Variants in TMEM108 observed in about 807,000 individuals in gnomAD.
The protein encoded by TMEM108 is transmembrane protein 108.
In TMEM108, 12 loss-of-function variants were observed where a neutral mutation model predicts 35.1. The ratio of observed to expected loss-of-function variants is 0.34; its 90% CI spans 0.22 to 0.55. TMEM108 has a LOEUF of 0.55. Ranked by LOEUF, TMEM108 falls within the 20% of genes least tolerant of loss-of-function variation. The probability of loss-of-function intolerance (pLI) is 0.89; values close to 1 mark genes in which losing one functional copy is unlikely to be tolerated. For synonymous variants in TMEM108, 287 were observed against 308.6 expected (o/e 0.93, Z 0.73); for missense variants, 680 against 753.3 (o/e 0.90, Z 1.14).
chr3:133,192,215 G>C (rs1945508482), intron 2 of TMEM108, among the ~76,000 whole-genome samples: 1 of 152,074 alleles, frequency 6.6e-6, no homozygotes, highest in African/African-American at 2.4e-5. Flanking sequence ...GTTTCAGCTT[G>C]GGTTATTGAA....
chr3:133,292,976 A>G (rs149588245), intron 3 of TMEM108, among the ~76,000 whole-genome samples: 35 of 152,208 alleles, frequency 2.3e-4, no homozygotes, highest in Non-Finnish European at 4.3e-4. Context: ...ACCAGGAATA[A>G]CAAGTGATGT....
rs371463652 is a variant in TMEM108, at chr3:133,052,414, A to G, written c.-47+6394A>G. Among the ~76,000 whole-genome samples, 9 of 151,904 alleles carry G rather than the reference A, an allele frequency of 5.9e-5. No individual in the cohort carries two copies. The East Asian group carries it at 1.2e-3, about 20-fold the overall frequency. ...CTTCAGATTTTCTACCCAGGTGATC[A>G]TATTATATCATCTGAACAAAGATAC... On this transcript the variant is annotated intron_variant, in intron 2 of 5. Coordinates refer to ENST00000321871, the MANE Select transcript of TMEM108 (RefSeq NM_023943.4).
intron 2 of TMEM108, among the ~76,000 whole-genome samples, chr3:133,226,728 A>G (rs1177469573): frequency 6.6e-6 from 1 of 152,210 alleles, no homozygotes; most frequent in Non-Finnish European, 1.5e-5. Context: ...TATAATATCT[A>G]AGAATAGGAA....
chr3:133,214,590 G>A (rs990339802), intron 2 of TMEM108, among the ~76,000 whole-genome samples: 2 of 152,096 alleles, frequency 1.3e-5, no homozygotes, highest in African/African-American at 4.8e-5. Context: ...TTATCATCAC[G>A]CTTTGTCTCA....
chr3:133,374,560 ATATAC>A (rs1389256953), intron 3 of TMEM108, among the ~76,000 whole-genome samples: 2 of 74,734 alleles, frequency 2.7e-5, no homozygotes, highest in African/African-American at 7.7e-5. Context: ...ATATATATAT[ATATAC>A]ACACACACAC....
intron 3 of TMEM108, among the ~76,000 whole-genome samples, chr3:133,339,665 C>T (rs1273287467): frequency 6.6e-6 from 1 of 151,878 alleles, no homozygotes; most frequent in South Asian, 2.1e-4. Context: ...CTTTCCTCAA[C>T]ATATGGATCA....
chr3:133,279,345 A>C lies in TMEM108; in HGVS notation c.40+49994A>C, dbSNP rs16840173. Among the ~76,000 whole-genome samples, 1,249 of 152,270 alleles carry C rather than the reference A, an allele frequency of 8.2e-3. 18 individuals carry two copies. Among genetic ancestry groups the C allele is most frequent in the African/African-American group, 0.028 (1,169 of 41,566 alleles). On this transcript the variant is annotated intron_variant, in intron 3 of 5. Transcript: ENST00000321871. Reference sequence around the variant, plus strand: ...AGACCACCATGTCTATCATGAGACCATCCTAGTTTTGATGAGAAAGGAATG... The same window carrying C: ...AGACCACCATGTCTATCATGAGACCCTCCTAGTTTTGATGAGAAAGGAATG...
intron 2 of TMEM108, among the ~76,000 whole-genome samples, chr3:133,178,507 T>C (rs1439203826): frequency 6.6e-6 from 1 of 151,734 alleles, no homozygotes; most frequent in African/African-American, 2.4e-5. Flanking sequence ...TAATGCCGCA[T>C]ATCTACAACC....
intron 2 of TMEM108, among the ~76,000 whole-genome samples, chr3:133,224,561 A>G (rs996682153): frequency 6.6e-6 from 1 of 152,068 alleles, no homozygotes; most frequent in Non-Finnish European, 1.5e-5. Context: ...TACTGTTCTC[A>G]TGGTAGTGAA....
intron 2 of TMEM108, among the ~76,000 whole-genome samples, chr3:133,073,510 C>CTCTCTCTCTCTCTCTCTCTATATATA: frequency 2.5e-4 from 11 of 43,898 alleles, no homozygotes; most frequent in African/African-American, 9.5e-4. Context: ...CTCTCTCTCT[C>CTCTCTCTCTCTCTCTCTCTATATATA]TATATATATA....
At chr3:133,223,497 G>A (rs970002651) in intron 2 of TMEM108, among the ~76,000 whole-genome samples, 6 of 152,312 alleles carry the variant, frequency 3.9e-5, no homozygotes, top group South Asian at 4.1e-4. Flanking sequence ...GCTTTTGGAT[G>A]TAACTCTGTA....
chr3:133,081,172 T>G (rs771476396), intron 2 of TMEM108, among the ~76,000 whole-genome samples: 1 of 152,194 alleles, frequency 6.6e-6, no homozygotes, highest in African/African-American at 2.4e-5. Context: ...CTGTCCTAGC[T>G]CAGGCTGCCA....
chr3:133,097,567 T>C (rs1439368325), intron 2 of TMEM108, among the ~76,000 whole-genome samples: 1 of 152,244 alleles, frequency 6.6e-6, no homozygotes, highest in African/African-American at 2.4e-5. Flanking sequence ...AAAATAACAT[T>C]AATGGCATTT....
chr3:133,213,160 T>C (rs370495159), intron 2 of TMEM108, among the ~76,000 whole-genome samples: 4 of 152,338 alleles, frequency 2.6e-5, no homozygotes, highest in East Asian at 1.9e-4. Context: ...TCATTCCTTC[T>C]GTTTTCCCAG....
intron 3 of TMEM108, among the ~76,000 whole-genome samples, chr3:133,233,786 G>T (rs71315695): frequency 0.03 from 4,505 of 151,018 alleles, 88 homozygotes; most frequent in Non-Finnish European, 0.049. Flanking sequence ...TTCTCTGATG[G>T]CCAGTGATGA....
intron 2 of TMEM108, among the ~76,000 whole-genome samples, chr3:133,050,177 T>G (rs4854681): frequency 0.38 from 57,103 of 151,940 alleles, 11,170 homozygotes; most frequent in Admixed American, 0.46. Flanking sequence ...ATAAGGAGTT[T>G]GTGGCAATTA....
At chr3:133,172,426 C>G (rs939400295) in intron 2 of TMEM108, among the ~76,000 whole-genome samples, 1 of 152,186 alleles carries the variant, frequency 6.6e-6, no homozygotes, top group Non-Finnish European at 1.5e-5. Flanking sequence ...ACAATAATGA[C>G]ATGGTAGGTA....
chr3:133,088,946 G>A (rs1308339019), intron 2 of TMEM108, among the ~76,000 whole-genome samples: 1 of 152,186 alleles, frequency 6.6e-6, no homozygotes, highest in South Asian at 2.1e-4. Flanking sequence ...AGTTCTGCAG[G>A]CTGTACCAGA....
intron 3 of TMEM108, among the ~76,000 whole-genome samples, chr3:133,281,430 A>G (rs899493852): frequency 6.6e-6 from 1 of 152,264 alleles, no homozygotes; most frequent in Non-Finnish European, 1.5e-5. Context: ...ATAACGTCAG[A>G]TAAAAGTTAA....
Sources: gnomAD v4.1 joint callset for allele counts (sites outside exome capture counted in the v4.1 genomes callset) on GRCh38, gnomAD v4.1.1 for gene constraint, MANE v1.5 for transcripts, NCBI Gene and HGNC (gene_info 2026-07-23, HGNC 2026-07-21) for gene names.